Variants in EMCN observed in about 807,000 individuals in gnomAD.
EMCN encodes MUC-14.
In EMCN, 37 loss-of-function variants were observed where a neutral mutation model predicts 38.4. That is an observed-to-expected ratio of 0.96 (90% CI 0.74 to 1.27). EMCN has a LOEUF of 1.27. Ranked by LOEUF, EMCN falls within the 50% of genes most tolerant of loss-of-function variation. The pLI, the probability that EMCN is intolerant of heterozygous loss-of-function variation, is 0.00. For missense variants in EMCN, 318 were observed against 302.8 expected (o/e 1.05, Z -0.37); for synonymous variants, 95 against 100.8 (o/e 0.94, Z 0.35).
chr4:100,409,978 T>G (rs1726504262), intron 11 of EMCN, among the ~76,000 whole-genome samples: 1 of 152,222 alleles, frequency 6.6e-6, no homozygotes, highest in African/African-American at 2.4e-5. Flanking sequence ...AGTTAGTGTG[T>G]GCTTACTGAC....
At chr4:100,451,815 A>G (rs894514090) in intron 4 of EMCN, among the ~76,000 whole-genome samples, 3 of 151,984 alleles carry the variant, frequency 2.0e-5, no homozygotes, top group Non-Finnish European at 4.4e-5. Flanking sequence ...TACTATGACT[A>G]AAAAAATAGC....
At chr4:100,437,673 T>C (rs1205400863) in intron 5 of EMCN, among the ~76,000 whole-genome samples, 1 of 152,156 alleles carries the variant, frequency 6.6e-6, no homozygotes, top group Non-Finnish European at 1.5e-5. Flanking sequence ...CATATACCCA[T>C]TGTGTGCTGT....
chr4:100,472,364 A>G (rs1728500960), intron 3 of EMCN, among the ~76,000 whole-genome samples: 1 of 151,918 alleles, frequency 6.6e-6, no homozygotes, highest in African/African-American at 2.4e-5. Context: ...TTACAAAATA[A>G]TTTTATTAAA....
Position 100,447,523 on chromosome 4 carries a change from A to C in EMCN, c.415+10T>G. 1 of 1,596,878 alleles carries C rather than the reference A, an allele frequency of 6.3e-7. No individual in the cohort carries two copies. Among genetic ancestry groups the C allele is most frequent in the South Asian group, 1.1e-5 (1 of 90,476 alleles). On this transcript the variant is annotated intron_variant, in intron 5 of 11. Transcript: ENST00000296420. ...AATACTAAGAGAGAGACAGAGAAAA[A>C]AGAGCTTACCTGGTATTTCTGTTGT...
intron 5 of EMCN, among the ~76,000 whole-genome samples, chr4:100,440,889 T>C (rs1022918805): frequency 6.6e-6 from 1 of 151,804 alleles, no homozygotes; most frequent in Non-Finnish European, 1.5e-5. Context: ...ATTGAGACCA[T>C]CCTGGCTAAC....
intron 1 of EMCN, among the ~76,000 whole-genome samples, chr4:100,492,890 T>G (rs563668708): frequency 6.6e-6 from 1 of 152,288 alleles, no homozygotes; most frequent in African/African-American, 2.4e-5. Context: ...GCCCCATCAC[T>G]TATCAGCTAT....
intron 1 of EMCN, among the ~76,000 whole-genome samples, chr4:100,496,739 G>A (rs1198364496): frequency 3.3e-5 from 5 of 152,102 alleles, no homozygotes; most frequent in Non-Finnish European, 2.9e-5. Flanking sequence ...CACCAAACAT[G>A]TATGTTCTAA....
chr4:100,513,551 AC>A (rs1490075612), intron 1 of EMCN, among the ~76,000 whole-genome samples: 1 of 152,298 alleles, frequency 6.6e-6, no homozygotes, highest in Non-Finnish European at 1.5e-5. Flanking sequence ...AGTATTTGAT[AC>A]CCAAAAATAA....
rs1176114799 is a variant in EMCN at position 100,500,071 on chromosome 4, CAAAGAATAATGAT to C, written c.64+17767_64+17779del. Among the ~76,000 whole-genome samples, 7 of 151,958 alleles carry C rather than the reference CAAAGAATAATGAT, an allele frequency of 4.6e-5. 1 individual carries two copies. The highest frequency in any genetic ancestry group is 4.6e-4 in the Admixed American group (7 of 15,248). On this transcript the variant is annotated intron_variant, in intron 1 of 11. Transcript: ENST00000296420. Reference sequence around the variant, plus strand: ...AAATGGAAAATCCTCAAATAGTGTACAAAGAATAATGATAATACAGATTTATTTGTAAAAAAAA... The same window carrying C: ...AAATGGAAAATCCTCAAATAGTGTACAATACAGATTTATTTGTAAAAAAAA...
chr4:100,395,889 G>A lies in EMCN; in HGVS notation c.*2524C>T, dbSNP rs752185750. The A allele has an allele frequency of 2.0e-5, 3 of 152,110 alleles. No homozygotes were observed. The highest frequency in any genetic ancestry group is 4.4e-5 in the Non-Finnish European group (3 of 68,006). 9.4% of individuals were successfully genotyped at this position (152,110 alleles called of 1,614,324 possible). A position where few individuals can be genotyped will look rare whatever the true frequency, so the allele number is the denominator to read the frequency against. ...TGCCAGTTAATTAGCTTTTGTTTAT[G>A]TTTTGACTATTGATAGACTTAAATT... On this transcript the variant is annotated 3_prime_UTR_variant, in exon 12 of 12. Coordinates refer to ENST00000296420, the MANE Select transcript of EMCN (RefSeq NM_016242.4).
intron 1 of EMCN, among the ~76,000 whole-genome samples, chr4:100,484,798 A>G (rs912639036): frequency 1.3e-5 from 2 of 152,094 alleles, no homozygotes; most frequent in Non-Finnish European, 2.9e-5. Context: ...TAATCTTTGC[A>G]TTTTCTAGCT....
chr4:100,477,936 A>C (rs1728704774), intron 2 of EMCN, among the ~76,000 whole-genome samples: 1 of 152,172 alleles, frequency 6.6e-6, no homozygotes, highest in South Asian at 2.1e-4. Flanking sequence ...AGAACATGAT[A>C]ATTCTTAAGA....
chr4:100,422,577 AATTT>A (rs1378439870), intron 7 of EMCN, among the ~76,000 whole-genome samples: 1 of 151,766 alleles, frequency 6.6e-6, no homozygotes, highest in Non-Finnish European at 1.5e-5. Context: ...TTTTTGATAT[AATTT>A]ATTTATTATT....
At chr4:100,512,693 C>T (rs960814769) in intron 1 of EMCN, among the ~76,000 whole-genome samples, 1 of 151,676 alleles carries the variant, frequency 6.6e-6, no homozygotes, top group African/African-American at 2.4e-5. Context: ...GTAATCCCAG[C>T]TACTTGGGAG....
rs1046513013 is a variant in EMCN at position 100,517,878 on chromosome 4, G to A, written c.37C>T (p.Pro13Ser). The A allele has an allele frequency of 1.9e-6, 3 of 1,612,826 alleles. No individual in the cohort carries two copies. The East Asian group carries it at 6.7e-5, about 36-fold the overall frequency. ...LLQVTILFLL[P>S]SICSSNSTGV... ...GTGCTGTTACTGCTGCAAATACTGG[G>A]CAGAAGAAAAAGAATGGTCACTTGA... is the stretch of plus-strand genomic sequence containing the variant. The change falls in exon 1 of 12, where the codon CCC becomes TCC. Residue 13 changes from proline (P) to serine (S), a missense_variant. Coordinates refer to ENST00000296420, the MANE Select transcript of EMCN (RefSeq NM_016242.4).
intron 5 of EMCN, among the ~76,000 whole-genome samples, chr4:100,424,842 T>C (rs1403496985): frequency 1.3e-5 from 2 of 152,072 alleles, no homozygotes; most frequent in African/African-American, 4.8e-5. Flanking sequence ...AAATAACCAA[T>C]GATGTTAATC....
At chr4:100,494,220 C>G (rs566748119) in intron 1 of EMCN, among the ~76,000 whole-genome samples, 49 of 152,234 alleles carry the variant, frequency 3.2e-4, no homozygotes, top group African/African-American at 1.0e-3. Flanking sequence ...ATATTTTGAG[C>G]TATGTCATTA....
intron 10 of EMCN, among the ~76,000 whole-genome samples, chr4:100,415,478 A>G (rs1274718976): frequency 1.3e-5 from 2 of 152,236 alleles, no homozygotes; most frequent in Non-Finnish European, 2.9e-5. Context: ...AATTAAATGT[A>G]TATAAATGAT....
chr4:100,415,913 T>C lies in EMCN; in HGVS notation c.736A>G (p.Ile246Val). 1.3e-6 allele frequency: 2 copies of C among 1,587,278 alleles called. No individual in the cohort carries two copies. Among genetic ancestry groups the C allele is most frequent in the East Asian group, 2.3e-5 (1 of 43,328 alleles). ...ESVKLLTVKTISHESGEHSAQ... is the reference protein window; with the variant it reads ...ESVKLLTVKTVSHESGEHSAQ... The stretch of plus-strand genomic sequence containing the variant: ...GGAAACTTACCAGACTCATGAGAAA[T>C]TGTCTTAACGGTAAGAAGCTTCACG... The change falls in exon 10 of 12, where the codon ATT becomes GTT. Residue 246 changes from isoleucine (I) to valine (V), a missense_variant. Physicochemically the swap from Ile to Val is conservative, Grantham distance 29. Transcript: ENST00000296420.
Sources: allele counts gnomAD v4.1 joint callset (sites outside exome capture counted in the v4.1 genomes callset), GRCh38; gene constraint gnomAD v4.1.1; transcripts MANE v1.5; gene names NCBI Gene and HGNC (gene_info 2026-07-23, HGNC 2026-07-21).